The following SEC24B variants were observed in gnomAD, a reference collection of about 807,000 sequenced individuals.
SEC24B encodes the protein protein transport protein Sec24B.
Under a neutral mutation model 142.8 loss-of-function variants are expected in SEC24B, and 45 were observed. That is an observed-to-expected ratio of 0.32 (90% confidence interval 0.25 to 0.40). The LOEUF is 0.40. SEC24B is among the 10% of genes least tolerant of loss of function. SEC24B has a pLI of 1.00. For missense variants in SEC24B, 1,409 were observed against 1,526.8 expected (o/e 0.92, Z 1.29); for synonymous variants, 574 against 568.2 (o/e 1.01, Z -0.15).
At chr4:109,523,498 T>C (rs1723885338) in intron 14 of SEC24B, among the ~76,000 whole-genome samples, 1 of 151,710 alleles carries the variant, frequency 6.6e-6, no homozygotes, top group Non-Finnish European at 1.5e-5. Flanking sequence ...ATAATAATAA[T>C]AACAATGAAA....
chr4:109,435,861 G>T (rs1477928008), intron 1 of SEC24B, among the ~76,000 whole-genome samples: 1 of 152,156 alleles, frequency 6.6e-6, no homozygotes, highest in Non-Finnish European at 1.5e-5. Context: ...GTTCTGGCTA[G>T]CCTTGAGGGA....
At chr4:109,445,178 C>G (rs1396472676) in intron 1 of SEC24B, among the ~76,000 whole-genome samples, 2 of 151,976 alleles carry the variant, frequency 1.3e-5, no homozygotes, top group East Asian at 1.9e-4. Context: ...GCTGCCTCAG[C>G]CTCCCAAAGT....
intron 4 of SEC24B, among the ~76,000 whole-genome samples, chr4:109,482,975 T>TACAC (rs1213872850): frequency 2.5e-4 from 14 of 54,960 alleles, no homozygotes; most frequent in East Asian, 8.4e-4. Context: ...TATATATATA[T>TACAC]ATATACACAC....
At chr4:109,477,009 C>G (rs1178713965) in intron 3 of SEC24B, among the ~76,000 whole-genome samples, 1 of 150,176 alleles carries the variant, frequency 6.7e-6, no homozygotes, top group Non-Finnish European at 1.5e-5. Flanking sequence ...TAGTGGCGGG[C>G]GCCTGTAGTC....
chr4:109,450,422 G>A lies in SEC24B; in HGVS notation c.134-12479G>A, dbSNP rs540967783. 8.5e-5 allele frequency among the ~76,000 whole-genome samples: 13 copies of A among 152,158 alleles called. No homozygotes were observed. The South Asian group carries it at 2.5e-3, about 29-fold the overall frequency. Reference sequence around the variant, plus strand: ...CACCTATAATCCCAATACTTTGGGAGGCAGAGGCGGGTGGATGATGAGTTC... The same window carrying A: ...CACCTATAATCCCAATACTTTGGGAAGCAGAGGCGGGTGGATGATGAGTTC... On this transcript the variant is annotated intron_variant, in intron 1 of 23. Transcript: ENST00000265175.
chr4:109,476,068 C>T (rs1374927249), intron 3 of SEC24B, among the ~76,000 whole-genome samples: 2 of 151,470 alleles, frequency 1.3e-5, no homozygotes, highest in African/African-American at 4.9e-5. Context: ...GTCACTGCAG[C>T]CTCTGCCTCC....
rs189493262 is a variant in SEC24B at position 109,468,644 on chromosome 4, G to A, written c.878-4360G>A. 3.3e-5 allele frequency among the ~76,000 whole-genome samples: 5 copies of A among 152,280 alleles called. No individual in the cohort carries two copies. In the East Asian group the frequency reaches 5.8e-4, roughly 18 times the overall value. ...GAGGAAGAACCTAGATCAGGAAAACGAGCTGGAAAGGAATTATTACAATTA... is the reference window on the plus strand; with the variant it reads ...GAGGAAGAACCTAGATCAGGAAAACAAGCTGGAAAGGAATTATTACAATTA... On this transcript the variant is annotated intron_variant, in intron 2 of 23. Coordinates refer to ENST00000265175, the MANE Select transcript of SEC24B (RefSeq NM_006323.5).
At chr4:109,473,517 A>G (rs1415936899) in intron 3 of SEC24B, among the ~76,000 whole-genome samples, 2 of 152,130 alleles carry the variant, frequency 1.3e-5, no homozygotes, top group Non-Finnish European at 2.9e-5. Flanking sequence ...TAGGATAGAG[A>G]AGCCAAAACT....
rs77918274 is a variant in SEC24B at position 109,503,737 on chromosome 4, A to G, written c.1489-2591A>G. On this transcript the variant is annotated intron_variant, in intron 6 of 23. Coordinates refer to ENST00000265175, the MANE Select transcript of SEC24B (RefSeq NM_006323.5). ...GTCTTTTCAGCGTTAAAATCAGGAAAGTATTCTAGCTGGTTTTTTTTAGTT... is the reference window on the plus strand; with the variant it reads ...GTCTTTTCAGCGTTAAAATCAGGAAGGTATTCTAGCTGGTTTTTTTTAGTT... Among the ~76,000 whole-genome samples, 817 of 152,218 alleles carry G rather than the reference A, an allele frequency of 5.4e-3. 13 individuals carry two copies. Among genetic ancestry groups the G allele is most frequent in the African/African-American group, 0.018 (754 of 41,526 alleles).
chr4:109,454,816 C>T (rs759156808), intron 1 of SEC24B, among the ~76,000 whole-genome samples: 38 of 152,212 alleles, frequency 2.5e-4, no homozygotes, highest in African/African-American at 9.2e-4. Flanking sequence ...GAAATTATCT[C>T]ACCTACATTG....
At chr4:109,529,279 G>T (rs1482676008) in intron 18 of SEC24B, among the ~76,000 whole-genome samples, 1 of 151,956 alleles carries the variant, frequency 6.6e-6, no homozygotes. Context: ...TTGATTCAGG[G>T]AGTACATATG....
At chr4:109,466,215 A>G (rs1731842736) in intron 2 of SEC24B, among the ~76,000 whole-genome samples, 1 of 152,172 alleles carries the variant, frequency 6.6e-6, no homozygotes, top group East Asian at 1.9e-4. Flanking sequence ...TTAACGATTT[A>G]AAATATTCCT....
At chr4:109,477,065 A>G (rs1350995348) in intron 3 of SEC24B, among the ~76,000 whole-genome samples, 2 of 139,032 alleles carry the variant, frequency 1.4e-5, no homozygotes, top group African/African-American at 2.6e-5. Context: ...TGAACCCGGG[A>G]GGTGGAGCTT....
chr4:109,519,483 A>G (rs1723370937), intron 11 of SEC24B, among the ~76,000 whole-genome samples: 1 of 152,242 alleles, frequency 6.6e-6, no homozygotes, highest in South Asian at 2.1e-4. Flanking sequence ...TTCTTTGAGA[A>G]AGAAGAGTTT....
chr4:109,513,582 A>G (rs942806388), intron 9 of SEC24B, among the ~76,000 whole-genome samples, 165 bp from the exon 10 acceptor site: 6 of 152,108 alleles, frequency 3.9e-5, no homozygotes, highest in Non-Finnish European at 7.4e-5. Flanking sequence ...GCCCTGATCT[A>G]TTTTTTAAGG....
intron 1 of SEC24B, among the ~76,000 whole-genome samples, chr4:109,446,306 G>A (rs1729457060): frequency 6.6e-6 from 1 of 152,214 alleles, no homozygotes; most frequent in Non-Finnish European, 1.5e-5. Context: ...AGAAGTTAGA[G>A]TGATGTGCTT....
At chr4:109,487,412 G>A (rs1017181731) in intron 4 of SEC24B, among the ~76,000 whole-genome samples, 2 of 152,112 alleles carry the variant, frequency 1.3e-5, no homozygotes, top group African/African-American at 4.8e-5. Flanking sequence ...GCAAAATAAG[G>A]TAAAAGGGAG....
intron 3 of SEC24B, among the ~76,000 whole-genome samples, chr4:109,474,921 T>C (rs1048173918): frequency 6.6e-6 from 1 of 152,244 alleles, no homozygotes; most frequent in Non-Finnish European, 1.5e-5. Flanking sequence ...TTATATCTCA[T>C]TAATTCACAT....
chr4:109,511,995 C>T lies in SEC24B; in HGVS notation c.1815C>T (p.Cys605=), dbSNP rs1737388875. ...TAACATCAAATACCATTGTGAGGTG[C>T]CGATCCTGTCGAACGTATATTAACC... ...PVITSNTIVR[C]RSCRTYINPF... The change falls in exon 9 of 24, where the codon TGC becomes TGT. Residue 605 remains cysteine, a synonymous_variant. Coordinates refer to ENST00000265175, the MANE Select transcript of SEC24B (RefSeq NM_006323.5). 1.2e-6 allele frequency: 2 copies of T among 1,613,570 alleles called. No homozygotes were observed. Among genetic ancestry groups the T allele is most frequent in the Non-Finnish European group, 1.7e-6 (2 of 1,179,654 alleles).
Sources: gnomAD v4.1 joint callset for allele counts (sites outside exome capture counted in the v4.1 genomes callset) on GRCh38, gnomAD v4.1.1 for gene constraint, MANE v1.5 for transcripts, NCBI Gene and HGNC (gene_info 2026-07-23, HGNC 2026-07-21) for gene names.